Variants in UROS observed in about 807,000 individuals in gnomAD.
UROS encodes uroporphyrinogen-III synthase.
A neutral mutation model predicts 33.0 loss-of-function variants in UROS; 18 were observed. That is an observed-to-expected ratio of 0.55 (90% confidence interval 0.38 to 0.81). UROS has a LOEUF of 0.81. UROS is among the 30% of genes least tolerant of loss of function. The pLI, the probability that UROS is intolerant of heterozygous loss-of-function variation, is 0.00. For missense variants in UROS, 293 were observed against 314.9 expected (o/e 0.93, Z 0.53); for synonymous variants, 114 against 121.1 (o/e 0.94, Z 0.38).
intron 1 of UROS, among the ~76,000 whole-genome samples, chr10:125,817,224 A>ACT (rs1554889322): frequency 8.1e-5 from 6 of 74,058 alleles, no homozygotes; most frequent in Non-Finnish European, 1.4e-4. Context: ...TTATAGATGT[A>ACT]TTTTTTTTTT....
chr10:125,821,866 G>A (rs1295810508), intron 1 of UROS, among the ~76,000 whole-genome samples: 1 of 152,178 alleles, frequency 6.6e-6, no homozygotes, highest in African/African-American at 2.4e-5. Flanking sequence ...GCGCTGATGT[G>A]TAAGTATTAC....
chr10:125,807,172 T>G (rs1035632266), intron 6 of UROS: 11 of 545,362 alleles, frequency 2.0e-5, no homozygotes, highest in East Asian at 3.2e-5. Flanking sequence ...AAATGTTTTA[T>G]TTTGTGTTAT....
Position 125,812,300 on chromosome 10 carries a change from G to A in UROS, c.245-12C>T. On this transcript the variant is annotated splice_polypyrimidine_tract_variant and intron_variant, in intron 4 of 9. Coordinates refer to ENST00000368797, the MANE Select transcript of UROS (RefSeq NM_000375.3). ...AGACCTTTCCCAGACTGTAAAACAT[G>A]AAATGATATGTGAATTGCAAATACC... is the stretch of plus-strand genomic sequence containing the variant. 6.2e-7 allele frequency: 1 copy of A among 1,612,788 alleles called. No individual in the cohort carries two copies. The highest frequency in any genetic ancestry group is 8.5e-7 in the Non-Finnish European group (1 of 1,179,292).
At chr10:125,815,740 G>A (rs1715229758) in intron 3 of UROS, among the ~76,000 whole-genome samples, 2 of 152,208 alleles carry the variant, frequency 1.3e-5, no homozygotes, top group Admixed American at 1.3e-4. Context: ...CAGAAGCCCT[G>A]GGTTTGAGTC....
At position 125,788,799 on chromosome 10, in the gene UROS, G is replaced by C. The variant is rs1163507254; in HGVS notation, c.*69C>G. On this transcript the variant is annotated 3_prime_UTR_variant, in exon 10 of 10. Coordinates refer to ENST00000368797, the MANE Select transcript of UROS (RefSeq NM_000375.3). Reference sequence around the variant, plus strand: ...GCAGCAGCTCCCGAGAGCCCTTGCCGATGCCTGGCTCCATCCAGAGCCAGC... The same window carrying C: ...GCAGCAGCTCCCGAGAGCCCTTGCCCATGCCTGGCTCCATCCAGAGCCAGC... 2 of 1,520,452 alleles carry C rather than the reference G, an allele frequency of 1.3e-6. No homozygotes were observed. The highest frequency in any genetic ancestry group is 1.8e-6 in the Non-Finnish European group (2 of 1,130,496). The allele number at this position is 1,520,452 out of a possible 1,614,324, so 94.2% of individuals were successfully genotyped here. A position where few individuals can be genotyped will look rare whatever the true frequency, so the allele number is the denominator to read the frequency against.
intron 6 of UROS, chr10:125,802,900 C>CT: frequency 1.3e-6 from 2 of 1,593,312 alleles, no homozygotes; most frequent in South Asian, 2.3e-5. Context: ...CCCTCAGGGG[C>CT]TTTCCCCACC....
In UROS at chr10:125,797,391, C is replaced by G. The variant is rs570864575; in HGVS notation, c.475+674G>C. Among the ~76,000 whole-genome samples, 4 of 152,280 alleles carry G rather than the reference C, an allele frequency of 2.6e-5. No individual in the cohort carries two copies. In the South Asian group the frequency reaches 8.3e-4, roughly 32 times the overall value. ...TTTCACAGATAAGGATACTGATGCACAGAGAGATTACATCACTTACCTTCA... is the reference window on the plus strand; with the variant it reads ...TTTCACAGATAAGGATACTGATGCAGAGAGAGATTACATCACTTACCTTCA... On this transcript the variant is annotated intron_variant, in intron 7 of 9. Transcript: ENST00000368797.
intron 9 of UROS, 76 bp downstream of exon 9, chr10:125,794,804 G>A: frequency 1.4e-6 from 2 of 1,387,018 alleles, no homozygotes; most frequent in South Asian, 2.5e-5. Context: ...TGACATTGAA[G>A]CCCTAGGATA....
downstream of UROS, among the ~76,000 whole-genome samples, chr10:125,786,144 C>G (rs541786075): frequency 1.3e-5 from 2 of 152,302 alleles, no homozygotes; most frequent in African/African-American, 4.8e-5. Flanking sequence ...AATCCGGCAC[C>G]TAGAACATCT....
chr10:125,806,103 A>G (rs924171925), intron 6 of UROS, among the ~76,000 whole-genome samples: 7 of 152,212 alleles, frequency 4.6e-5, no homozygotes, highest in African/African-American at 1.7e-4. Flanking sequence ...AAAGAAAAAT[A>G]TAAGCTAGAG....
At chr10:125,788,577 C>T, downstream of UROS, 1 of 1,351,426 alleles carries the variant, frequency 7.4e-7, no homozygotes, top group South Asian at 1.9e-5. Context: ...CAACCATACA[C>T]TCAGTAAGCA....
intron 6 of UROS, 86 bp from the exon 7 acceptor site, chr10:125,798,231 G>T (rs913009445): frequency 1.5e-5 from 21 of 1,405,476 alleles, no homozygotes; most frequent in Non-Finnish European, 1.9e-5. Context: ...TGGGAAGGGG[G>T]AAGCAGCCCT....
At chr10:125,794,845 T>A in intron 9 of UROS, 35 bp downstream of exon 9, 3 of 1,503,080 alleles carry the variant, frequency 2.0e-6, no homozygotes, top group Non-Finnish European at 2.8e-6. Context: ...AAAAAAAGAA[T>A]CTGAAAAAGA....
In UROS at chr10:125,795,006, C is replaced by T. The variant is rs754830001; in HGVS notation, c.562-28G>A. On this transcript the variant is annotated intron_variant, in intron 8 of 9. Coordinates refer to ENST00000368797, the MANE Select transcript of UROS (RefSeq NM_000375.3). ...GTGGGGAACAGAAAACAAGATCAGT[C>T]CTTGCCATGAGACTGAGGAGAGACA... is the stretch of plus-strand genomic sequence containing the variant. The T allele has an allele frequency of 1.3e-5, 21 of 1,582,132 alleles. No homozygotes were observed. The African/African-American group carries it at 1.9e-4, about 14-fold the overall frequency.
chr10:125,790,948 C>T (rs1304498707), intron 9 of UROS, among the ~76,000 whole-genome samples: 2 of 150,958 alleles, frequency 1.3e-5, no homozygotes, highest in African/African-American at 2.4e-5. Flanking sequence ...AAAAATTAGC[C>T]AGGCATGGTG....
chr10:125,809,226 CT>C (rs544096315), intron 5 of UROS, among the ~76,000 whole-genome samples: 109 of 152,220 alleles, frequency 7.2e-4, no homozygotes, highest in African/African-American at 2.6e-3. Context: ...CATCACTGGT[CT>C]GGGTTTACAA....
At chr10:125,789,713 T>C (rs1364210879) in intron 9 of UROS, among the ~76,000 whole-genome samples, 1 of 152,132 alleles carries the variant, frequency 6.6e-6, no homozygotes, top group African/African-American at 2.4e-5. Flanking sequence ...ACAGGACATC[T>C]CTCTCTGAAC....
chr10:125,818,483 A>C (rs188007444), intron 1 of UROS, among the ~76,000 whole-genome samples: 2 of 129,612 alleles, frequency 1.5e-5, no homozygotes, highest in East Asian at 4.4e-4. Context: ...ACAGAGAAGG[A>C]TCTTGTCTAA....
intron 9 of UROS, chr10:125,793,264 T>C (rs997050416): frequency 6.9e-6 from 1 of 145,812 alleles, no homozygotes; most frequent in East Asian, 2.0e-4. Context: ...GTTCTTCCTC[T>C]AGGCAAACAC....
Sources: gnomAD v4.1 joint callset for allele counts (sites outside exome capture counted in the v4.1 genomes callset) on GRCh38, gnomAD v4.1.1 for gene constraint, MANE v1.5 for transcripts, NCBI Gene and HGNC (gene_info 2026-07-23, HGNC 2026-07-21) for gene names.